Variants in SLC29A2 observed in about 807,000 individuals in gnomAD.
SLC29A2 encodes the protein solute carrier family 29 member 2.
A neutral mutation model predicts 48.8 loss-of-function variants in SLC29A2; 37 were observed. The observed-to-expected ratio is 0.76, with a 90% confidence interval of 0.58 to 1.00. The LOEUF (loss-of-function observed/expected upper bound fraction) is 1.00. Ranked by LOEUF, SLC29A2 falls within the 50% of genes least tolerant of loss-of-function variation. The probability of loss-of-function intolerance (pLI) is 0.00; values close to 1 mark genes in which losing one functional copy is unlikely to be tolerated. For synonymous variants in SLC29A2, 233 were observed against 261.7 expected (o/e 0.89, Z 1.06); for missense variants, 533 against 578.6 (o/e 0.92, Z 0.81).
rs746413381 is a variant in SLC29A2 at position 66,366,558 on chromosome 11, T to G, written c.740A>C (p.Asn247Thr). The change falls in exon 8 of 12, where the codon AAC becomes ACC. Residue 247 changes from asparagine (N) to threonine (T), a missense_variant. By Grantham distance (65) the Asn-to-Thr change is moderately conservative. Transcript: ENST00000357440. The part of the protein sequence containing the change: ...TKAELLQSDE[N>T]GIPSSPQKVA... ...TTTCTGGGGACTACTGGGAATCCCGTTCTCATCTGGGGTGAGGGGGGACGG... is the reference window on the plus strand; with the variant it reads ...TTTCTGGGGACTACTGGGAATCCCGGTCTCATCTGGGGTGAGGGGGGACGG... 2 of 1,613,622 alleles carry G rather than the reference T, an allele frequency of 1.2e-6. No individual in the cohort carries two copies. The highest frequency in any genetic ancestry group is 3.3e-5 in the Admixed American group (2 of 60,004).
rs532105177 is a variant in SLC29A2, at chr11:66,371,551, G to A, written c.29+12C>T. 245 of 1,550,262 alleles carry A rather than the reference G, an allele frequency of 1.6e-4. 1 individual carries two copies. The East Asian group carries it at 5.5e-3, about 35-fold the overall frequency. On this transcript the variant is annotated intron_variant, in intron 1 of 11. Coordinates refer to ENST00000357440, the MANE Select transcript of SLC29A2 (RefSeq NM_001532.3). Reference sequence around the variant, plus strand: ...GCCCCCGGCCACTTGCAACGCACCCGGGCCCACTCACCTGTCCCGCGGGGC... The same window carrying A: ...GCCCCCGGCCACTTGCAACGCACCCAGGCCCACTCACCTGTCCCGCGGGGC...
chr11:66,365,852 G>T, intron 10 of SLC29A2, 84 bp downstream of exon 10: 1 of 1,349,458 alleles, frequency 7.4e-7, no homozygotes, highest in Non-Finnish European at 1.1e-6. Flanking sequence ...TGGACTACCA[G>T]AAAATCACCT....
chr11:66,364,220 C>T lies in SLC29A2; in HGVS notation c.1259+5G>A, dbSNP rs772597994. 8.1e-6 allele frequency: 13 copies of T among 1,600,860 alleles called. No homozygotes were observed. In the African/African-American group the frequency reaches 1.1e-4, roughly 13 times the overall value. On this transcript the variant is annotated splice_donor_5th_base_variant and intron_variant, in intron 11 of 11. Transcript: ENST00000357440. ...AGCCCCCCACCCCACCCCATTGCCC[C>T]GGACCTGGGCGCCAGGCACATGGTG...
intron 11 of SLC29A2, chr11:66,363,831 T>G (rs1855508377): frequency 3.8e-6 from 2 of 532,696 alleles, no homozygotes; most frequent in Non-Finnish European, 6.8e-6. Context: ...TCTCTCTGGA[T>G]TCTCCACTCC....
intron 4 of SLC29A2, 91 bp downstream of exon 4, chr11:66,368,969 C>G: frequency 1.4e-6 from 2 of 1,465,462 alleles, no homozygotes; most frequent in Non-Finnish European, 1.9e-6. Flanking sequence ...ATGATGCTGT[C>G]TGCCCTTCTC....
Position 66,365,948 on chromosome 11 carries a change from A to G in SLC29A2, c.1047T>C (p.Ser349=). 6.2e-7 allele frequency: 1 copy of G among 1,614,120 alleles called. No individual in the cohort carries two copies. The highest frequency in any genetic ancestry group is 1.1e-5 in the South Asian group (1 of 91,086). The change falls in exon 10 of 12, where the codon TCT becomes TCC. Residue 349 remains serine, a synonymous_variant. Coordinates refer to ENST00000357440, the MANE Select transcript of SLC29A2 (RefSeq NM_001532.3). ...CTGGTGTGCTTACCCACAGGAAGTA[A>G]GAGGTCAGGCTCCGTCCCAGCCAGT... The part of the protein sequence containing the change: ...IMDWLGRSLT[S]YFLWPDEDSR...
chr11:66,363,728 C>G (rs1855501894), intron 11 of SLC29A2, 181 bp from the exon 12 acceptor site: 3 of 633,286 alleles, frequency 4.7e-6, no homozygotes, highest in Non-Finnish European at 8.6e-6. Context: ...AAGGATGTCT[C>G]TCAGGGCCTC....
intron 6 of SLC29A2, 44 bp downstream of exon 6, chr11:66,367,728 C>T (rs774187837): frequency 8.3e-6 from 13 of 1,575,552 alleles, no homozygotes; most frequent in Non-Finnish European, 9.6e-6. Flanking sequence ...GGACTCTATC[C>T]AAGATGCTTT....
chr11:66,365,784 G>A (rs1465795814), intron 10 of SLC29A2, 152 bp downstream of exon 10: 5 of 755,130 alleles, frequency 6.6e-6, no homozygotes, highest in South Asian at 2.9e-5. Context: ...TGGCCTGCAC[G>A]CCTCCAGGGC....
In SLC29A2 at chr11:66,364,252, A is replaced by G. The variant is rs903423083; in HGVS notation, c.1232T>C (p.Val411Ala). The G allele has an allele frequency of 1.9e-6, 3 of 1,567,044 alleles. No individual in the cohort carries two copies. The highest frequency in any genetic ancestry group is 1.7e-4 in the Middle Eastern group (1 of 5,840). ...LLFAVSNGYL[V>A]SLTMCLAPRQ... ...GGGCGCCAGGCACATGGTGAGGGAC[A>G]CCAGGTAGCCATTAGAAACGGCAAA... Residue 411 changes from valine (V) to alanine (A), a missense_variant, in exon 11 of 12, where the codon GTG becomes GCG. Transcript: ENST00000357440.
chr11:66,372,016 C>G (rs147144161), upstream of SLC29A2: 38 of 226,334 alleles, frequency 1.7e-4, no homozygotes, highest in East Asian at 3.7e-3. Context: ...TCACCTCCAC[C>G]CCCCGCCGAG....
Position 66,364,324 on chromosome 11 carries a change from G to T in SLC29A2, c.1160C>A (p.Pro387His). Residue 387 changes from proline (P) to histidine (H), a missense_variant, in exon 11 of 12, where the codon CCC becomes CAC. Transcript: ENST00000357440. ...LCHVPQRSRL[P>H]ILFPQDAYFI... ...GTAGGCATCCTGTGGGAAGAGGATG[G>T]GCAGCCGGGACCTCTGGGGCACGTG... 1 of 1,613,946 alleles carries T rather than the reference G, an allele frequency of 6.2e-7. No individual in the cohort carries two copies. Among genetic ancestry groups the T allele is most frequent in the Non-Finnish European group, 8.5e-7 (1 of 1,179,968 alleles).
Position 66,367,373 on chromosome 11 carries a change from C to G in SLC29A2, c.733+91G>C, listed in dbSNP as rs546497086. The G allele has an allele frequency of 5.4e-6, 6 of 1,117,940 alleles. No homozygotes were observed. The African/African-American group carries it at 9.2e-5, about 17-fold the overall frequency. The allele number at this position is 1,117,940 out of a possible 1,614,324, so 69.3% of individuals were successfully genotyped here. ...TGCACAAGGCTACTAGGGGTGGGCT[C>G]TGGCTGGGAACAGATGGAACAGCTT... On this transcript the variant is annotated intron_variant, in intron 7 of 11. Transcript: ENST00000357440.
At position 66,366,000 on chromosome 11, in the gene SLC29A2, C is replaced by A; in HGVS notation, c.995G>T (p.Cys332Phe). ...CATGATGTTGAAGAGGAGGAAGCAG[C>A]AGATGGGGTTGAAGAACTGACCTGG... Reference protein sequence around the residue: ...GKWSQFFNPICCFLLFNIMDW... With the variant: ...GKWSQFFNPIFCFLLFNIMDW... Residue 332 changes from cysteine to phenylalanine, a missense_variant, in exon 10 of 12, where the codon TGC (cysteine) becomes TTC (phenylalanine). Transcript: ENST00000357440. 1 of 1,614,214 alleles carries A rather than the reference C, an allele frequency of 6.2e-7. No homozygotes were observed. The highest frequency in any genetic ancestry group is 8.5e-7 in the Non-Finnish European group (1 of 1,180,016).
At chr11:66,368,809 C>A (rs529277773) in intron 4 of SLC29A2, 138 bp from the exon 5 acceptor site, 1 of 1,223,844 alleles carries the variant, frequency 8.2e-7, no homozygotes, top group African/African-American at 1.5e-5. Flanking sequence ...TCTGAGCACT[C>A]GGGGGCAACA....
chr11:66,371,302 A>C lies in SLC29A2; in HGVS notation c.53T>G (p.Phe18Cys). ...RDSYHLVGIS[F>C]FILGLGTLLP... ...GAGGGTGCCCAGCCCCAGGATGAAG[A>C]AGCTGATCCCGACCAGGTGGTAGCT... Residue 18 changes from phenylalanine to cysteine, a missense_variant, in exon 2 of 12, where the codon TTC becomes TGC. Coordinates refer to ENST00000357440, the MANE Select transcript of SLC29A2 (RefSeq NM_001532.3). 2 of 1,613,860 alleles carry C rather than the reference A, an allele frequency of 1.2e-6. No individual in the cohort carries two copies. Among genetic ancestry groups the C allele is most frequent in the East Asian group, 2.2e-5 (1 of 44,880 alleles).
rs1359993134 is a variant in SLC29A2 at position 66,362,932 on chromosome 11, TG to T, written c.*503del. 4.7e-6 allele frequency: 1 copy of T among 211,210 alleles called. No homozygotes were observed. The highest frequency in any genetic ancestry group is 2.3e-5 in the African/African-American group (1 of 43,094). The allele number at this position is 211,210 out of a possible 1,614,324, so 13.1% of individuals were successfully genotyped here. On this transcript the variant is annotated 3_prime_UTR_variant, in exon 12 of 12. Coordinates refer to ENST00000357440, the MANE Select transcript of SLC29A2 (RefSeq NM_001532.3). Reference sequence around the variant, plus strand: ...CAGTAAGTGTTGGCAATGAAAACACTGCTTGAGGCTGAGCCTGGCCCTTTGA... The same window carrying T: ...CAGTAAGTGTTGGCAATGAAAACACTCTTGAGGCTGAGCCTGGCCCTTTGA...
intron 2 of SLC29A2, among the ~76,000 whole-genome samples, chr11:66,370,439 A>G (rs556354499): frequency 2.1e-4 from 32 of 152,344 alleles, no homozygotes; most frequent in Non-Finnish European, 2.8e-4. Flanking sequence ...GTTGCAGTGA[A>G]TACAGATGAA....
At position 66,371,440 on chromosome 11, in the gene SLC29A2, C is replaced by A. The variant is rs142993170; in HGVS notation, c.30-115G>T. On this transcript the variant is annotated intron_variant, in intron 1 of 11. Transcript: ENST00000357440. ...ACAACCCCGATCACCCCGGTTCCGG[C>A]GGCCGAGGGAGTCGGCTGATGGGAA... 1,083 of 1,504,904 alleles carry A rather than the reference C, an allele frequency of 7.2e-4. 15 individuals carry two copies. In the African/African-American group the frequency reaches 0.012, roughly 17 times the overall value. 93.2% of individuals were successfully genotyped at this position (1,504,904 alleles called of 1,614,324 possible).
Sources: gnomAD v4.1 joint callset for allele counts (sites outside exome capture counted in the v4.1 genomes callset) on GRCh38, gnomAD v4.1.1 for gene constraint, MANE v1.5 for transcripts, NCBI Gene and HGNC (gene_info 2026-07-23, HGNC 2026-07-21) for gene names.